Variants in RAB8B observed in about 807,000 individuals in gnomAD.
RAB8B encodes the protein RAB8B, member RAS oncogene family, also known as ras-related protein Rab-8B.
Under a neutral mutation model 32.0 loss-of-function variants are expected in RAB8B, and 11 were observed. The observed-to-expected ratio is 0.34, with a 90% CI of 0.22 to 0.57. The LOEUF (loss-of-function observed/expected upper bound fraction) is 0.57, where lower values mean the gene tolerates loss of function less well. Ranked by LOEUF, RAB8B falls within the 20% of genes least tolerant of loss-of-function variation. The pLI, the probability that RAB8B is intolerant of heterozygous loss-of-function variation, is 0.86. For synonymous variants in RAB8B, 103 were observed against 89.6 expected (o/e 1.15, Z -0.85); for missense variants, 190 against 258.5 (o/e 0.73, Z 1.82).
At chr15:63,202,485 A>G (rs1250390229) in intron 1 of RAB8B, among the ~76,000 whole-genome samples, 1 of 152,172 alleles carries the variant, frequency 6.6e-6, no homozygotes, top group African/African-American at 2.4e-5. Context: ...TTAGGAAGCA[A>G]TCAAATATGT....
At chr15:63,197,346 TTTCTTTCTTTC>T (rs1307869065) in intron 1 of RAB8B, among the ~76,000 whole-genome samples, 5 of 141,830 alleles carry the variant, frequency 3.5e-5, no homozygotes, top group African/African-American at 1.1e-4. Context: ...TCTTTTTTTT[TTTCTTTCTTTC>T]TTTCTTTCTT....
Position 63,216,230 on chromosome 15 carries a change from TATTA to T in RAB8B, c.124+26483_124+26486del, listed in dbSNP as rs1436922696. ...TTAATTAATTAATTAATTAATTAAT[TATTA>T]TTTTTTTTTTTGGAGACAGAGTCTT... On this transcript the variant is annotated intron_variant, in intron 1 of 7. Coordinates refer to ENST00000321437, the MANE Select transcript of RAB8B (RefSeq NM_016530.3). Among the ~76,000 whole-genome samples the T allele has an allele frequency of 8.1e-4, 107 of 132,440 alleles. 7 individuals are homozygous for T. The South Asian group carries it at 8.3e-3, about 10-fold the overall frequency. The allele number at this position is 132,440 out of a possible 152,430, so 86.9% of individuals were successfully genotyped here.
At chr15:63,254,380 T>C (rs963628688) in intron 3 of RAB8B, among the ~76,000 whole-genome samples, 1 of 152,082 alleles carries the variant, frequency 6.6e-6, no homozygotes, top group Non-Finnish European at 1.5e-5. Flanking sequence ...TAGATATTGG[T>C]TTATTGTCTG....
intron 1 of RAB8B, among the ~76,000 whole-genome samples, chr15:63,216,429 A>T (rs1000955435): frequency 4.0e-5 from 6 of 151,508 alleles, no homozygotes; most frequent in Non-Finnish European, 8.8e-5. Flanking sequence ...GGGTTTCACC[A>T]TGTTGTCCAG....
At position 63,253,684 on chromosome 15, in the gene RAB8B, T is replaced by G. The variant is rs144716605; in HGVS notation, c.247-1823T>G. Among the ~76,000 whole-genome samples, 594 of 152,088 alleles carry G rather than the reference T, an allele frequency of 3.9e-3. 4 individuals carry two copies. The highest frequency in any genetic ancestry group is 0.013 in the African/African-American group (530 of 41,492). ...AGAAAGAAAGAAAGAAAAAAAAGAA[T>G]GAAATTAATCAGGGAAATCAATTAA... On this transcript the variant is annotated intron_variant, in intron 3 of 7. Transcript: ENST00000321437.
At chr15:63,262,038 C>CATA (rs2038207208) in intron 6 of RAB8B, among the ~76,000 whole-genome samples, 1 of 152,158 alleles carries the variant, frequency 6.6e-6, no homozygotes, top group African/African-American at 2.4e-5. Context: ...GAAGATTATA[C>CATA]ATATTCAGCT....
intron 1 of RAB8B, among the ~76,000 whole-genome samples, chr15:63,206,900 A>G (rs998762715): frequency 2.0e-5 from 3 of 151,820 alleles, no homozygotes; most frequent in Admixed American, 1.3e-4. Flanking sequence ...CTTGTTAACA[A>G]CTGTCCAGTG....
At chr15:63,230,252 C>T (rs139718406) in intron 1 of RAB8B, among the ~76,000 whole-genome samples, 24 of 152,188 alleles carry the variant, frequency 1.6e-4, no homozygotes, top group Middle Eastern at 3.4e-3. Flanking sequence ...AGATTCAGAA[C>T]GCTGGAAGTT....
At chr15:63,212,757 A>G (rs1045013170) in intron 1 of RAB8B, among the ~76,000 whole-genome samples, 42 of 152,326 alleles carry the variant, frequency 2.8e-4, no homozygotes, top group African/African-American at 9.6e-4. Flanking sequence ...TGATTGGTGT[A>G]TGAATAGAAA....
intron 1 of RAB8B, among the ~76,000 whole-genome samples, chr15:63,195,875 C>T (rs893833284): frequency 7.2e-5 from 11 of 152,172 alleles, no homozygotes; most frequent in East Asian, 3.9e-4. Context: ...CAAGTAGCCA[C>T]GGAAATGTAA....
At chr15:63,200,059 T>G (rs1205183919) in intron 1 of RAB8B, among the ~76,000 whole-genome samples, 1 of 152,198 alleles carries the variant, frequency 6.6e-6, no homozygotes, top group Non-Finnish European at 1.5e-5. Context: ...CCTGAAAACA[T>G]CAGACTAGAC....
Position 63,249,638 on chromosome 15 carries a change from A to G in RAB8B, c.186-7A>G. The G allele has an allele frequency of 6.2e-7, 1 of 1,613,444 alleles. No homozygotes were observed. The highest frequency in any genetic ancestry group is 2.2e-5 in the East Asian group (1 of 44,856). On this transcript the variant is annotated splice_region_variant and splice_polypyrimidine_tract_variant and intron_variant, in intron 2 of 7. Transcript: ENST00000321437. ...CAAAAACCACTCTCCTTTGTTTCAT[A>G]TTTTAGGGACACAGCGGGTCAGGAA...
intron 1 of RAB8B, among the ~76,000 whole-genome samples, 188 bp from the exon 2 acceptor site, chr15:63,244,568 C>T (rs2038056615): frequency 6.6e-6 from 1 of 152,156 alleles, no homozygotes; most frequent in Non-Finnish European, 1.5e-5. Flanking sequence ...TGTGGGAATT[C>T]TTTGCTGAGT....
chr15:63,233,279 G>T (rs2037951284), intron 1 of RAB8B, among the ~76,000 whole-genome samples: 2 of 151,288 alleles, frequency 1.3e-5, no homozygotes, highest in African/African-American at 4.9e-5. Flanking sequence ...GCCCAGGCTG[G>T]TCTCCAACTC....
chr15:63,257,262 CTT>C (rs554753766), intron 5 of RAB8B, among the ~76,000 whole-genome samples: 20 of 139,392 alleles, frequency 1.4e-4, no homozygotes, highest in South Asian at 2.3e-4. Context: ...ATTTTCTTTT[CTT>C]TTTTTTTTTT....
Position 63,263,690 on chromosome 15 carries a change from CA to C in RAB8B, c.*72del, listed in dbSNP as rs2038220331. The C allele has an allele frequency of 7.8e-7, 1 of 1,282,360 alleles. No homozygotes were observed. The highest frequency in any genetic ancestry group is 1.2e-5 in the South Asian group (1 of 82,252). The allele number at this position is 1,282,360 out of a possible 1,614,324, so 79.4% of individuals were successfully genotyped here. On this transcript the variant is annotated 3_prime_UTR_variant, in exon 8 of 8. Coordinates refer to ENST00000321437, the MANE Select transcript of RAB8B (RefSeq NM_016530.3). Reference sequence around the variant, plus strand: ...TGCTTCTCTGAAAGCACAGGTCACCCAGCCTCAGAATCACACCTCCCGGCTG... The same window carrying C: ...TGCTTCTCTGAAAGCACAGGTCACCCGCCTCAGAATCACACCTCCCGGCTG...
At chr15:63,246,614 C>T (rs1159085986) in intron 2 of RAB8B, among the ~76,000 whole-genome samples, 2 of 152,172 alleles carry the variant, frequency 1.3e-5, no homozygotes, top group Non-Finnish European at 2.9e-5. Context: ...GAACATCCAG[C>T]ACCTCCACGT....
In RAB8B at chr15:63,259,506, A is replaced by G. The variant is rs1292799170; in HGVS notation, c.415-121A>G. 3 of 756,796 alleles carry G rather than the reference A, an allele frequency of 4.0e-6. No individual in the cohort carries two copies. The East Asian group carries it at 8.2e-5, about 21-fold the overall frequency. The allele number at this position is 756,796 out of a possible 1,614,324, so 46.9% of individuals were successfully genotyped here. ...GTAGAAGAAAGCAAAGAAATTTGAG[A>G]ACCACAGGAGTTCTGAAATAGATAC... On this transcript the variant is annotated intron_variant, in intron 5 of 7. Coordinates refer to ENST00000321437, the MANE Select transcript of RAB8B (RefSeq NM_016530.3). This position sits in a 1 kb window ranked among gnomAD's most constrained non-coding sequence, Gnocchi z 4.4.
chr15:63,239,811 T>G (rs747446415), intron 1 of RAB8B, among the ~76,000 whole-genome samples: 2 of 152,238 alleles, frequency 1.3e-5, no homozygotes, highest in Non-Finnish European at 2.9e-5. Context: ...GTACACATGT[T>G]TCTGTGCACA....
Sources: gnomAD v4.1 joint callset for allele counts (sites outside exome capture counted in the v4.1 genomes callset) on GRCh38, gnomAD v4.1.1 for gene constraint, Gnocchi (gnomAD v3.1) non-coding constraint, MANE v1.5 for transcripts, NCBI Gene and HGNC (gene_info 2026-07-23, HGNC 2026-07-21) for gene names.